Variants in MALRD1 observed in about 807,000 individuals in gnomAD.
MALRD1 encodes MAM and LDL receptor class A domain containing 1, also known as MAM and LDL-receptor class A domain-containing protein 1.
A neutral mutation model predicts 242.1 loss-of-function variants in MALRD1; 247 were observed. That is an observed-to-expected ratio of 1.02 (90% CI 0.92 to 1.13). MALRD1 has a LOEUF of 1.13. MALRD1 is among the 50% of genes most tolerant of loss of function. MALRD1 has a pLI of 0.00. For missense variants in MALRD1, 2,989 were observed against 2,533.1 expected (o/e 1.18, Z -3.86); for synonymous variants, 995 against 866.6 (o/e 1.15, Z -2.60).
chr10:19,614,619 T>C (rs538144601), intron 35 of MALRD1, among the ~76,000 whole-genome samples: 72 of 152,152 alleles, frequency 4.7e-4, no homozygotes, highest in African/African-American at 1.7e-3. Context: ...GCAGTTCATA[T>C]GAACACAACA....
intron 38 of MALRD1, among the ~76,000 whole-genome samples, chr10:19,705,533 G>T (rs562460382): frequency 3.3e-5 from 5 of 152,188 alleles, no homozygotes; most frequent in South Asian, 2.1e-4. Context: ...GCATGTATTG[G>T]CCACGCTCTG....
intron 14 of MALRD1, among the ~76,000 whole-genome samples, chr10:19,193,449 A>G (rs1836081680): frequency 6.6e-6 from 1 of 152,108 alleles, no homozygotes; most frequent in Non-Finnish European, 1.5e-5. Context: ...CCAGCTACTC[A>G]GAGGCTGAGA....
chr10:19,671,418 G>A (rs1237861628), intron 36 of MALRD1, among the ~76,000 whole-genome samples: 1 of 152,054 alleles, frequency 6.6e-6, no homozygotes, highest in Non-Finnish European at 1.5e-5. Context: ...AGAAGTTCGA[G>A]ACCAGCCCGA....
intron 28 of MALRD1, among the ~76,000 whole-genome samples, chr10:19,397,151 T>A (rs1846619600): frequency 6.6e-6 from 1 of 152,134 alleles, no homozygotes. Context: ...ATATTATTTT[T>A]AATTATATTC....
chr10:19,262,633 G>A (rs971568080), intron 19 of MALRD1, among the ~76,000 whole-genome samples: 4 of 147,496 alleles, frequency 2.7e-5, no homozygotes, highest in South Asian at 2.2e-4. Context: ...TCCAGCCTGC[G>A]CGACAGAGCA....
At chr10:19,058,427 A>G (rs1448345154) in intron 1 of MALRD1, among the ~76,000 whole-genome samples, 2 of 152,200 alleles carry the variant, frequency 1.3e-5, no homozygotes, top group African/African-American at 2.4e-5. Flanking sequence ...AAGTCAAGGA[A>G]AGTTTCTCTT....
intron 36 of MALRD1, among the ~76,000 whole-genome samples, chr10:19,665,202 C>G (rs535886029): frequency 6.6e-6 from 1 of 152,086 alleles, no homozygotes; most frequent in South Asian, 2.1e-4. Flanking sequence ...TACATAGCAT[C>G]CTAACAAAAG....
At chr10:19,693,025 C>T (rs1266350965) in intron 38 of MALRD1, among the ~76,000 whole-genome samples, 1 of 151,750 alleles carries the variant, frequency 6.6e-6, no homozygotes, top group Non-Finnish European at 1.5e-5. Context: ...AATTCAACAG[C>T]CCTTCATGCT....
intron 36 of MALRD1, among the ~76,000 whole-genome samples, chr10:19,660,722 G>A (rs746045522): frequency 5.3e-5 from 8 of 152,128 alleles, no homozygotes; most frequent in South Asian, 2.1e-4. Flanking sequence ...TACCAGTGGC[G>A]TTAATTCTAG....
intron 21 of MALRD1, among the ~76,000 whole-genome samples, chr10:19,297,420 T>G (rs1841757209): frequency 6.6e-6 from 1 of 151,922 alleles, no homozygotes; most frequent in African/African-American, 2.4e-5. Context: ...AAAAAAATAT[T>G]TAGACATTTT....
intron 5 of MALRD1, among the ~76,000 whole-genome samples, chr10:19,111,222 A>G (rs1836668460): frequency 1.3e-5 from 2 of 152,210 alleles, no homozygotes; most frequent in African/African-American, 4.8e-5. Flanking sequence ...CTACAGAAGT[A>G]CAAAAGCAAT....
intron 36 of MALRD1, among the ~76,000 whole-genome samples, chr10:19,639,837 A>G (rs1840305684): frequency 6.6e-6 from 1 of 152,186 alleles, no homozygotes; most frequent in African/African-American, 2.4e-5. Flanking sequence ...AATTAAACCT[A>G]GAGTTACCAT....
intron 29 of MALRD1, among the ~76,000 whole-genome samples, chr10:19,467,880 G>T (rs2131125041): frequency 6.6e-6 from 1 of 151,970 alleles, no homozygotes; most frequent in Non-Finnish European, 1.5e-5. Flanking sequence ...TGCAACCTCT[G>T]CCTCTTGGGT....
At chr10:19,207,723 A>G (rs1836848361) in intron 17 of MALRD1, among the ~76,000 whole-genome samples, 1 of 152,076 alleles carries the variant, frequency 6.6e-6, no homozygotes, top group Non-Finnish European at 1.5e-5. Flanking sequence ...GCTGGTCTTG[A>G]ACTCCTGACC....
intron 36 of MALRD1, among the ~76,000 whole-genome samples, chr10:19,622,028 A>G (rs938689261): frequency 5.9e-5 from 9 of 151,836 alleles, no homozygotes; most frequent in Non-Finnish European, 1.2e-4. Flanking sequence ...AGTATGGTAA[A>G]GTCTATATTC....
chr10:19,102,150 A>G (rs1836289984), intron 4 of MALRD1, among the ~76,000 whole-genome samples: 1 of 146,582 alleles, frequency 6.8e-6, no homozygotes, highest in African/African-American at 2.5e-5. Flanking sequence ...ATAACTATGT[A>G]TATGATATAA....
In MALRD1 at chr10:19,155,162, C is replaced by T; in HGVS notation, c.1646C>T (p.Thr549Ile). ...PVLTKLLTAS[T>I]PCQVQFWYHL... ...CTTACAAAATTGCTCACTGCCTCTA[C>T]CCCATGTCAGGTAATCAACTGTTCT... Residue 549 changes from threonine (T) to isoleucine (I), a missense_variant, in exon 12 of 40, where the codon ACC becomes ATC. By Grantham distance (89) the Thr-to-Ile change is moderately conservative. Coordinates refer to ENST00000454679, the MANE Select transcript of MALRD1 (RefSeq NM_001142308.3). 2 of 1,231,076 alleles carry T rather than the reference C, an allele frequency of 1.6e-6. No individual in the cohort carries two copies. Among genetic ancestry groups the T allele is most frequent in the Non-Finnish European group, 1.0e-6 (1 of 987,454 alleles). 76.3% of individuals were successfully genotyped at this position (1,231,076 alleles called of 1,614,324 possible). A position where few individuals can be genotyped will look rare whatever the true frequency, so the allele number is the denominator to read the frequency against.
chr10:19,150,062 G>A (rs1833885591), intron 11 of MALRD1, among the ~76,000 whole-genome samples: 1 of 152,154 alleles, frequency 6.6e-6, no homozygotes, highest in Non-Finnish European at 1.5e-5. Context: ...GTGTGGATGA[G>A]CCACACTTCA....
chr10:19,640,289 A>G (rs1840323717), intron 36 of MALRD1, among the ~76,000 whole-genome samples: 1 of 151,902 alleles, frequency 6.6e-6, no homozygotes, highest in Admixed American at 6.6e-5. Context: ...GGGTTTCACC[A>G]TTTTGGCCAG....
Sources: gnomAD v4.1 joint callset for allele counts (sites outside exome capture counted in the v4.1 genomes callset) on GRCh38, gnomAD v4.1.1 for gene constraint, MANE v1.5 for transcripts, NCBI Gene and HGNC (gene_info 2026-07-23, HGNC 2026-07-21) for gene names.